IGF1: variants seen among roughly 807,000 people sequenced by gnomAD.
The protein encoded by IGF1 is insulin-like growth factor 1.
IGF1 carries 4 observed loss-of-function variants against 13.8 expected under a neutral mutation model. The observed-to-expected ratio is 0.29, with a 90% CI of 0.14 to 0.66. IGF1 has a LOEUF of 0.66. Ranked by LOEUF, IGF1 falls within the 30% of genes least tolerant of loss-of-function variation. The pLI, the probability that IGF1 is intolerant of heterozygous loss-of-function variation, is 0.78. For missense variants in IGF1, 124 were observed against 188.5 expected, an observed-to-expected ratio of 0.66 and a Z score of 2.00; for synonymous variants, 76 against 72.6, an observed-to-expected ratio of 1.05 and a Z score of -0.23.
At chr12:102,469,819 A>G (rs1221016719) in intron 2 of IGF1, among the ~76,000 whole-genome samples, 1 of 152,106 alleles carries the variant, frequency 6.6e-6, no homozygotes, top group Non-Finnish European at 1.5e-5. Context: ...ATGAAGCAAT[A>G]ATCTTTGCCC....
intron 2 of IGF1, among the ~76,000 whole-genome samples, chr12:102,445,483 T>A (rs1308547985): frequency 6.6e-6 from 1 of 152,230 alleles, no homozygotes; most frequent in Non-Finnish European, 1.5e-5. Flanking sequence ...CTAGGTATTT[T>A]ATTCTCTTTG....
chr12:102,427,371 G>A (rs926447928), intron 2 of IGF1, among the ~76,000 whole-genome samples: 10 of 152,156 alleles, frequency 6.6e-5, no homozygotes, highest in African/African-American at 1.7e-4. Flanking sequence ...TAAGGCATTC[G>A]TGAGTCGAGG....
intron 3 of IGF1, 60 bp downstream of exon 3, chr12:102,419,449 C>A: frequency 6.5e-7 from 1 of 1,540,034 alleles, no homozygotes; most frequent in Non-Finnish European, 8.9e-7. Flanking sequence ...GCTTGGCCCA[C>A]CCACATGCAC....
chr12:102,406,456 A>C (rs994274230), intron 3 of IGF1, among the ~76,000 whole-genome samples: 2 of 152,216 alleles, frequency 1.3e-5, no homozygotes, highest in African/African-American at 4.8e-5. Context: ...AACTGTTTCT[A>C]GTATGCAACT....
At chr12:102,449,395 G>A (rs553533401) in intron 2 of IGF1, among the ~76,000 whole-genome samples, 3 of 151,894 alleles carry the variant, frequency 2.0e-5, no homozygotes, top group Admixed American at 1.3e-4. Flanking sequence ...GGGCCAGTCG[G>A]GGGGTGGGGG....
At chr12:102,466,817 G>A (rs1880368569) in intron 2 of IGF1, among the ~76,000 whole-genome samples, 1 of 152,166 alleles carries the variant, frequency 6.6e-6, no homozygotes, top group East Asian at 1.9e-4. Context: ...GTGGTAGGAG[G>A]ATCACTTGAG....
At chr12:102,433,551 A>C (rs1876932504) in intron 2 of IGF1, among the ~76,000 whole-genome samples, 1 of 152,176 alleles carries the variant, frequency 6.6e-6, no homozygotes, top group African/African-American at 2.4e-5. Context: ...TGTATCATAA[A>C]CAAGCTCTTA....
At chr12:102,476,722 C>T (rs190990838) in intron 1 of IGF1, among the ~76,000 whole-genome samples, 1 of 152,140 alleles carries the variant, frequency 6.6e-6, no homozygotes, top group Non-Finnish European at 1.5e-5. Context: ...TTATGTGTCA[C>T]TGTATCTATT....
chr12:102,475,260 A>C (rs1300800117), intron 2 of IGF1, among the ~76,000 whole-genome samples: 2 of 152,168 alleles, frequency 1.3e-5, no homozygotes, highest in Non-Finnish European at 2.9e-5. Flanking sequence ...TAGCACTTAA[A>C]GCAGCCCTGC....
chr12:102,475,391 A>G (rs1880953194), intron 2 of IGF1, among the ~76,000 whole-genome samples: 1 of 152,140 alleles, frequency 6.6e-6, no homozygotes, highest in Admixed American at 6.5e-5. Context: ...GGATCATAAT[A>G]GTTGAAAGAA....
chr12:102,470,011 A>G (rs1481367947), intron 2 of IGF1, among the ~76,000 whole-genome samples: 1 of 152,174 alleles, frequency 6.6e-6, no homozygotes, highest in Non-Finnish European at 1.5e-5. Flanking sequence ...TGTGTAATTA[A>G]TTGGGCCGTT....
chr12:102,472,636 C>T (rs896830979), intron 2 of IGF1, among the ~76,000 whole-genome samples: 2 of 152,142 alleles, frequency 1.3e-5, no homozygotes, highest in African/African-American at 4.8e-5. Flanking sequence ...TAGGAGTCAA[C>T]TGACAGTGTA....
chr12:102,455,921 C>G (rs182011033), intron 2 of IGF1, among the ~76,000 whole-genome samples: 2 of 152,154 alleles, frequency 1.3e-5, no homozygotes, highest in Non-Finnish European at 2.9e-5. Context: ...CATTGGATAT[C>G]GCTTCCTGGA....
At chr12:102,413,694 A>G (rs1392516499) in intron 3 of IGF1, among the ~76,000 whole-genome samples, 1 of 152,212 alleles carries the variant, frequency 6.6e-6, no homozygotes, top group East Asian at 1.9e-4. Flanking sequence ...TAAGACTACC[A>G]ATAACTGGAG....
chr12:102,460,115 C>G (rs1222049339), intron 2 of IGF1, among the ~76,000 whole-genome samples: 1 of 152,188 alleles, frequency 6.6e-6, no homozygotes, highest in Non-Finnish European at 1.5e-5. Flanking sequence ...TGGATTGCAC[C>G]ATTTTTTTCA....
chr12:102,441,955 C>CTTCTTCTTCTTCTTCTTCT (rs1555244164), intron 2 of IGF1, among the ~76,000 whole-genome samples: 12 of 140,048 alleles, frequency 8.6e-5, no homozygotes, highest in African/African-American at 3.0e-4. Context: ...TCTTCTTCTT[C>CTTCTTCTTCTTCTTCTTCT]TTTTTTTTTT....
chr12:102,404,281 T>C (rs1269277202), intron 3 of IGF1, among the ~76,000 whole-genome samples: 1 of 152,154 alleles, frequency 6.6e-6, no homozygotes, highest in Non-Finnish European at 1.5e-5. Context: ...AAAGCACATT[T>C]GAGATTACAC....
chr12:102,437,091 C>T (rs188326684), intron 2 of IGF1, among the ~76,000 whole-genome samples: 1 of 152,334 alleles, frequency 6.6e-6, no homozygotes, highest in African/African-American at 2.4e-5. Context: ...TAGGTCATTT[C>T]AGCATATGCC....
Position 102,403,822 on chromosome 12 carries a change from T to G in IGF1, c.403-1256A>C, listed in dbSNP as rs117437841. On this transcript the variant is annotated intron_variant, in intron 3 of 3. Coordinates refer to ENST00000337514, the MANE Select transcript of IGF1 (RefSeq NM_000618.5). ...GAAGCCCTGTGAGACCAGAGATGTA[T>G]CTGTCTGTTTACTGTTATAGTCCCA... 2.6e-5 allele frequency among the ~76,000 whole-genome samples: 4 copies of G among 152,090 alleles called. No individual in the cohort carries two copies. The East Asian group carries it at 7.7e-4, about 29-fold the overall frequency.
Sources: gnomAD v4.1 joint callset for allele counts (sites outside exome capture counted in the v4.1 genomes callset) on GRCh38, gnomAD v4.1.1 for gene constraint, MANE v1.5 for transcripts, NCBI Gene and HGNC (gene_info 2026-07-23, HGNC 2026-07-21) for gene names.